OTC: variants seen among roughly 807,000 people sequenced by gnomAD.
OTC encodes the protein ornithine transcarbamylase.
OTC carries 3 observed loss-of-function variants against 30.3 expected under a neutral mutation model. The ratio of observed to expected loss-of-function variants is 0.10; its 90% CI spans 0.05 to 0.26. The LOEUF is 0.26. OTC is among the 10% of genes least tolerant of loss of function. The pLI is 1.00. For missense variants in OTC, 194 were observed against 260.3 expected (o/e 0.75, Z 1.75); for synonymous variants, 111 against 99.7 (o/e 1.11, Z -0.67).
chrX:38,332,504 TTATATATATA>T, the OTC span, among the ~76,000 whole-genome samples: 553 of 39,362 alleles, frequency 0.014, 39 homozygotes, highest in African/African-American at 0.045. Context: ...GCCCTAGATT[TTATATATATA>T]TATATATATA....
chrX:38,342,964 C>T, the OTC span, among the ~76,000 whole-genome samples: 1 of 111,895 alleles, frequency 8.9e-6, no homozygotes, highest in African/African-American at 3.2e-5. Context: ...CCCAATAAAG[C>T]AATCAATAGC....
Position 38,352,716 on chromosome X carries a change from T to C in OTC, c.20T>C (p.Ile7Thr), listed in dbSNP as rs1311686045. Residue 7 changes from isoleucine (I) to threonine (T), a missense_variant, in exon 1 of 10, where the codon ATC (isoleucine) becomes ACC (threonine). Physicochemically the swap from Ile to Thr is moderately conservative, Grantham distance 89 (BLOSUM62 -1). Coordinates refer to ENST00000039007, the MANE Select transcript of OTC (RefSeq NM_000531.6). MLFNLRILLNNAAFRNG... is the reference protein window; with the variant it reads MLFNLRTLLNNAAFRNG... ...AAGAAGATGCTGTTTAATCTGAGGA[T>C]CCTGTTAAACAATGCAGCTTTTAGA... The C allele has an allele frequency of 8.3e-7, 1 of 1,206,809 alleles. No homozygotes were observed. Among genetic ancestry groups the C allele is most frequent in the African/African-American group, 1.7e-5 (1 of 57,771 alleles).
intron 4 of OTC, among the ~76,000 whole-genome samples, chrX:38,391,919 A>C (rs1048931799): frequency 5.4e-5 from 6 of 111,786 alleles, no homozygotes; most frequent in Non-Finnish European, 9.4e-5. Flanking sequence ...AATATACTAA[A>C]GAAGATTAAA....
intron 5 of OTC, among the ~76,000 whole-genome samples, chrX:38,401,992 C>T (rs1602030051): frequency 8.9e-6 from 1 of 111,837 alleles, no homozygotes; most frequent in South Asian, 3.8e-4. Context: ...TTGAAAGATT[C>T]CTCTTGTTTG....
chrX:38,334,644 G>A, the OTC span, among the ~76,000 whole-genome samples: 1 of 112,359 alleles, frequency 8.9e-6, no homozygotes, highest in Admixed American at 9.4e-5. Context: ...CTACTATATT[G>A]TGTATATTGT....
Position 38,412,976 on chromosome X carries a change from C to T in OTC, c.1005+977C>T, listed in dbSNP as rs2068551176. Among the ~76,000 whole-genome samples, 3 of 111,797 alleles carry T rather than the reference C, an allele frequency of 2.7e-5. No homozygotes were observed. The South Asian group carries it at 1.1e-3, about 42-fold the overall frequency. On this transcript the variant is annotated intron_variant, in intron 9 of 9. Transcript: ENST00000039007. ...GATGTCAGATACTCCATTATAGCCA[C>T]CACAGCTGAAATAGATTTCTCTACC...
the OTC span, among the ~76,000 whole-genome samples, chrX:38,332,533 T>TA: frequency 2.3e-5 from 2 of 85,320 alleles, no homozygotes; most frequent in Non-Finnish European, 4.6e-5. Flanking sequence ...TATATATATA[T>TA]CATATAACAT....
intron 4 of OTC, among the ~76,000 whole-genome samples, chrX:38,396,680 G>A (rs190596461): frequency 1.5e-4 from 17 of 110,901 alleles, no homozygotes; most frequent in African/African-American, 3.9e-4. Flanking sequence ...GACTGAGGCC[G>A]GATAATTGCT....
At chrX:38,401,671 C>T (rs1196405310) in intron 5 of OTC, among the ~76,000 whole-genome samples, 1 of 111,578 alleles carries the variant, frequency 9.0e-6, no homozygotes, top group African/African-American at 3.3e-5. Context: ...ATCTTATGTT[C>T]TGTCAATCCC....
At chrX:38,405,644 G>GA (rs764449493) in intron 6 of OTC, among the ~76,000 whole-genome samples, 11 of 111,690 alleles carry the variant, frequency 9.8e-5, no homozygotes, top group East Asian at 2.8e-4. Context: ...ACCTGCCATA[G>GA]AAAAAATGTA....
chrX:38,350,398 A>G (rs1378791020), upstream of OTC, among the ~76,000 whole-genome samples: 3 of 111,979 alleles, frequency 2.7e-5, no homozygotes, highest in Non-Finnish European at 5.6e-5. Context: ...AGGTGAACAA[A>G]GAGAACTAGA....
Position 38,416,478 on chromosome X carries a change from AG to A in OTC, c.1005+4482del, listed in dbSNP as rs754127528. 3.2e-3 allele frequency among the ~76,000 whole-genome samples: 357 copies of A among 111,936 alleles called. 1 individual carries two copies. The highest frequency in any genetic ancestry group is 0.011 in the African/African-American group (334 of 30,859). On this transcript the variant is annotated intron_variant, in intron 9 of 9. Transcript: ENST00000039007. ...TTACACTGGAGCTAAAATAACCTAA[AG>A]GGACCCTGAAAAAAAGAAAAAATGC...
At chrX:38,408,244 G>C (rs1185615268) in intron 6 of OTC, among the ~76,000 whole-genome samples, 2 of 111,934 alleles carry the variant, frequency 1.8e-5, no homozygotes, top group African/African-American at 6.5e-5. Context: ...GGTGTGTAAT[G>C]GGGGAGGGGG....
At chrX:38,332,048 G>A in the OTC span, among the ~76,000 whole-genome samples, 1 of 110,449 alleles carries the variant, frequency 9.1e-6, no homozygotes, top group African/African-American at 3.3e-5. Context: ...CCCCCTGTCA[G>A]ATCAGTGGCA....
intron 2 of OTC, among the ~76,000 whole-genome samples, chrX:38,369,485 T>C (rs2068313049): frequency 9.3e-6 from 1 of 107,983 alleles, no homozygotes. Context: ...GTAGCTGGGA[T>C]TATAGGCACC....
the OTC span, among the ~76,000 whole-genome samples, chrX:38,332,504 TTATA>T: frequency 0.085 from 3,334 of 39,343 alleles, 363 homozygotes; most frequent in African/African-American, 0.27. Context: ...GCCCTAGATT[TTATA>T]TATATATATA....
At chrX:38,376,687 G>A (rs1367767948) in intron 3 of OTC, among the ~76,000 whole-genome samples, 3 of 111,967 alleles carry the variant, frequency 2.7e-5, no homozygotes, top group Non-Finnish European at 5.6e-5. Context: ...AGCAGGAGTA[G>A]CTATACTTAT....
the OTC span, among the ~76,000 whole-genome samples, chrX:38,335,292 G>A: frequency 2.9e-3 from 330 of 112,638 alleles, 2 homozygotes; most frequent in African/African-American, 0.01. Flanking sequence ...CAGGATTGTT[G>A]TGTGGTTTAA....
intron 3 of OTC, among the ~76,000 whole-genome samples, chrX:38,374,311 T>C (rs1441953041): frequency 9.1e-6 from 1 of 110,244 alleles, no homozygotes; most frequent in Non-Finnish European, 1.9e-5. Flanking sequence ...AGCCCATCTC[T>C]CTGTCCTCTT....
Sources: gnomAD v4.1 joint callset for allele counts (sites outside exome capture counted in the v4.1 genomes callset) on GRCh38, gnomAD v4.1.1 for gene constraint, MANE v1.5 for transcripts, NCBI Gene and HGNC (gene_info 2026-07-23, HGNC 2026-07-21) for gene names.